The following MASP1 variants were observed in gnomAD, a reference collection of about 807,000 sequenced individuals.
The protein encoded by MASP1 is mannan-binding lectin serine protease 1.
In MASP1, 59 loss-of-function variants were observed where a neutral mutation model predicts 77.1. The observed-to-expected ratio is 0.77, with a 90% CI of 0.62 to 0.95. The LOEUF (loss-of-function observed/expected upper bound fraction) is 0.95, where lower values mean the gene tolerates loss of function less well. Among genes scored for constraint, MASP1 ranks in the 40% least tolerant of loss-of-function variants. The pLI is 0.00. For synonymous variants in MASP1, 362 were observed against 354.5 expected, an observed-to-expected ratio of 1.02 and a Z score of -0.24; for missense variants, 885 against 912.9, an observed-to-expected ratio of 0.97 and a Z score of 0.39.
chr3:187,282,510 A>AAAGG lies in MASP1; in HGVS notation c.237+3314_237+3315insCCTT, dbSNP rs1553785756. Among the ~76,000 whole-genome samples, 226 of 131,502 alleles carry AAAGG rather than the reference A, an allele frequency of 1.7e-3. 2 individuals are homozygous for AAAGG. In the South Asian group the frequency reaches 0.021, roughly 12 times the overall value. 86.3% of individuals were successfully genotyped at this position (131,502 alleles called of 152,430 possible). A position where few individuals can be genotyped will look rare whatever the true frequency, so the allele number is the denominator to read the frequency against. On this transcript the variant is annotated intron_variant, in intron 2 of 10. Transcript: ENST00000296280. Reference sequence around the variant, plus strand: ...GATTCCGTTTCAAAAAAAAAAAAAAAAAGAAGAAGAAGAAAACGTGTACTG... The same window carrying AAAGG: ...GATTCCGTTTCAAAAAAAAAAAAAAAAAGGAAGAAGAAGAAGAAAACGTGTACTG...
intron 2 of MASP1, chr3:187,276,529 C>G (rs1716980656): frequency 6.6e-6 from 1 of 152,236 alleles, no homozygotes; most frequent in Non-Finnish European, 1.5e-5. Flanking sequence ...CTGTAATATA[C>G]TCAAGCACAG....
At chr3:187,229,761 T>C (rs1712654923), downstream of MASP1, 3 of 1,613,934 alleles carry the variant, frequency 1.9e-6, no homozygotes, top group Admixed American at 3.3e-5. Context: ...TCTCCCTACC[T>C]AGAAGGGAGC....
At chr3:187,290,800 G>GTGTA (rs1718257520) in intron 1 of MASP1, among the ~76,000 whole-genome samples, 1 of 145,558 alleles carries the variant, frequency 6.9e-6, no homozygotes, top group Non-Finnish European at 1.5e-5. Flanking sequence ...GTGTGTGTGT[G>GTGTA]TAACAGCATT....
At chr3:187,265,214 C>T (rs1382232589) in intron 2 of MASP1, among the ~76,000 whole-genome samples, 2 of 152,136 alleles carry the variant, frequency 1.3e-5, no homozygotes, top group Non-Finnish European at 2.9e-5. Flanking sequence ...AATGAATAGT[C>T]ATGCCTTGGG....
chr3:187,233,315 C>G (rs573288847), downstream of MASP1, among the ~76,000 whole-genome samples: 3 of 152,162 alleles, frequency 2.0e-5, no homozygotes, highest in Non-Finnish European at 2.9e-5. Flanking sequence ...TCAAATAGAG[C>G]ATGCCCTTTA....
intron 9 of MASP1, 156 bp downstream of exon 9, chr3:187,243,328 T>C: frequency 2.6e-6 from 2 of 773,096 alleles, no homozygotes; most frequent in Non-Finnish European, 4.5e-6. Flanking sequence ...TCATGAAAAG[T>C]GAGAACCTGA....
intron 13 of MASP1, among the ~76,000 whole-genome samples, chr3:187,224,340 A>ATTTT (rs1181826969): frequency 4.1e-4 from 42 of 102,046 alleles, no homozygotes; most frequent in South Asian, 6.6e-4. Flanking sequence ...TGTGCTGAGT[A>ATTTT]TTTTTTTTTT....
chr3:187,225,021 C>T (rs113371180), intron 13 of MASP1, among the ~76,000 whole-genome samples: 14 of 152,222 alleles, frequency 9.2e-5, no homozygotes, highest in African/African-American at 3.4e-4. Flanking sequence ...TCTCTATGAT[C>T]TCAGCTCTTC....
At chr3:187,231,000 A>C (rs710451), downstream of MASP1, among the ~76,000 whole-genome samples, 58,901 of 152,024 alleles carry the variant, frequency 0.39, 12,014 homozygotes, top group Non-Finnish European at 0.46. Flanking sequence ...CTCTGCATCC[A>C]CAACCTTGAT....
At chr3:187,220,119 G>A in exon 16 of MASP1, 1 of 1,614,114 alleles carries the variant, frequency 6.2e-7, no homozygotes, top group Non-Finnish European at 8.5e-7. Flanking sequence ...TGTTGTGGTG[G>A]ATGTAAGAGT....
In MASP1 at chr3:187,235,934, T is replaced by G. The variant is rs772470492; in HGVS notation, c.1937A>C (p.Asn646Thr). Residue 646 changes from asparagine to threonine, a missense_variant, in exon 11 of 11, where the codon AAC (asparagine) becomes ACC (threonine). By Grantham distance (65) the Asn-to-Thr change is moderately conservative. Coordinates refer to ENST00000296280, the MANE Select transcript of MASP1 (RefSeq NM_139125.4). ...CTCGTAGTAGCCAGCACAGAACATGTTCTCCGTGACGCTGTAATTGCCCGA... is the reference window on the plus strand; with the variant it reads ...CTCGTAGTAGCCAGCACAGAACATGGTCTCCGTGACGCTGTAATTGCCCGA... Reference protein sequence around the residue: ...SRSGNYSVTENMFCAGYYEGG... With the variant: ...SRSGNYSVTETMFCAGYYEGG... 5.0e-6 allele frequency: 8 copies of G among 1,614,216 alleles called. No homozygotes were observed. Among genetic ancestry groups the G allele is most frequent in the Non-Finnish European group, 6.8e-6 (8 of 1,180,038 alleles).
At chr3:187,290,637 C>T (rs7640998) in intron 1 of MASP1, among the ~76,000 whole-genome samples, 156 of 152,228 alleles carry the variant, frequency 1.0e-3, no homozygotes, top group African/African-American at 3.4e-3. Context: ...TAGTCTGAAG[C>T]CTCTCATTGG....
Position 187,246,077 on chromosome 3 carries a change from C to T in MASP1, c.1091-2456G>A, listed in dbSNP as rs192647061. 4.7e-4 allele frequency among the ~76,000 whole-genome samples: 71 copies of T among 152,296 alleles called. 1 individual carries two copies. The highest frequency in any genetic ancestry group is 1.7e-3 in the African/African-American group (69 of 41,558). On this transcript the variant is annotated intron_variant, in intron 8 of 10. Transcript: ENST00000296280. ...TGTGCTCCCCTGCTGCCTCCTGCTCCCAGGCCTCTCTGGTGCCATCCCTGC... is the reference window on the plus strand; with the variant it reads ...TGTGCTCCCCTGCTGCCTCCTGCTCTCAGGCCTCTCTGGTGCCATCCCTGC...
intron 2 of MASP1, among the ~76,000 whole-genome samples, chr3:187,278,307 A>T (rs879537): frequency 0.21 from 31,378 of 152,066 alleles, 3,674 homozygotes; most frequent in African/African-American, 0.33. Context: ...TTCCACTTAG[A>T]CCCTCATGTC....
At chr3:187,252,004 G>A (rs1255272654) in intron 6 of MASP1, among the ~76,000 whole-genome samples, 1 of 152,140 alleles carries the variant, frequency 6.6e-6, no homozygotes, top group African/African-American at 2.4e-5. Flanking sequence ...CACAGGGTTG[G>A]GAGGAATGTT....
chr3:187,249,403 C>G (rs1005022798), intron 8 of MASP1, among the ~76,000 whole-genome samples: 2 of 152,164 alleles, frequency 1.3e-5, no homozygotes, highest in Non-Finnish European at 2.9e-5. Context: ...ATTCTCCCTT[C>G]TCTCTCCCTT....
chr3:187,248,696 T>A (rs974909243), intron 8 of MASP1, among the ~76,000 whole-genome samples: 2 of 152,146 alleles, frequency 1.3e-5, no homozygotes, highest in Admixed American at 1.3e-4. Flanking sequence ...CCGGACCTTG[T>A]CTTTTCCGTC....
At position 187,250,022 on chromosome 3, in the gene MASP1, T is replaced by A. The variant is rs957564423; in HGVS notation, c.1090+229A>T. 2.0e-5 allele frequency among the ~76,000 whole-genome samples: 3 copies of A among 152,244 alleles called. No individual in the cohort carries two copies. The East Asian group carries it at 5.8e-4, about 29-fold the overall frequency. On this transcript the variant is annotated intron_variant, in intron 8 of 10. Coordinates refer to ENST00000296280, the MANE Select transcript of MASP1 (RefSeq NM_139125.4). ...TCCGTGGGCTGAAGTAAAATTGGTA[T>A]TTAACAAAGTACTGGGCCCACAAGA...
chr3:187,279,128 T>G (rs1225352685), intron 2 of MASP1, among the ~76,000 whole-genome samples: 1 of 152,250 alleles, frequency 6.6e-6, no homozygotes, highest in East Asian at 1.9e-4. Context: ...CAGAGGGATA[T>G]TCTTCACTCT....
Sources: gnomAD v4.1 joint callset for allele counts (sites outside exome capture counted in the v4.1 genomes callset) on GRCh38, gnomAD v4.1.1 for gene constraint, MANE v1.5 for transcripts, NCBI Gene and HGNC (gene_info 2026-07-23, HGNC 2026-07-21) for gene names.